Variants in DNAH6 observed in about 807,000 individuals in gnomAD.
The protein encoded by DNAH6 is dynein axonemal heavy chain 6.
In DNAH6, 340 loss-of-function variants were observed where a neutral mutation model predicts 491.4. The observed-to-expected ratio is 0.69, with a 90% CI of 0.63 to 0.76. The LOEUF is 0.76. Among genes scored for constraint, DNAH6 ranks in the 30% least tolerant of loss-of-function variants. The pLI is 0.00. For missense variants in DNAH6, 4,443 were observed against 4,972.2 expected (o/e 0.89, Z 3.20); for synonymous variants, 1,603 against 1,686.1 (o/e 0.95, Z 1.21).
intron 65 of DNAH6, among the ~76,000 whole-genome samples, chr2:84,783,470 A>G (rs1467588006): frequency 6.6e-6 from 1 of 152,190 alleles, no homozygotes; most frequent in Non-Finnish European, 1.5e-5. Flanking sequence ...CATTGGCCCT[A>G]AGACTTTGGT....
the DNAH6 span, among the ~76,000 whole-genome samples, chr2:84,501,409 T>G: frequency 6.6e-6 from 1 of 151,954 alleles, no homozygotes; most frequent in Admixed American, 6.5e-5. Flanking sequence ...TCTAATGTAT[T>G]GTTGAATTTA....
At chr2:84,571,757 C>CAA (rs34657775) in intron 11 of DNAH6, among the ~76,000 whole-genome samples, 97 of 104,022 alleles carry the variant, frequency 9.3e-4, no homozygotes, top group African/African-American at 2.9e-3. Context: ...ACTAAAATTA[C>CAA]AAAAAAAAAA....
At chr2:84,593,003 A>C (rs1453670031) in intron 16 of DNAH6, among the ~76,000 whole-genome samples, 1 of 152,212 alleles carries the variant, frequency 6.6e-6, no homozygotes, top group African/African-American at 2.4e-5. Context: ...TAGAAAAAGT[A>C]CATTAAATAA....
the DNAH6 span, among the ~76,000 whole-genome samples, chr2:84,492,029 G>T: frequency 6.6e-6 from 1 of 152,154 alleles, no homozygotes; most frequent in East Asian, 1.9e-4. Flanking sequence ...CTAACTACCA[G>T]TGCTTTAAGG....
In DNAH6 at chr2:84,639,566, C is replaced by T. The variant is rs147229321; in HGVS notation, c.4822-864C>T. The stretch of plus-strand genomic sequence containing the variant: ...CCCAAGTAGCTGAGATTACAGGCTC[C>T]TGCCACCATGCCTGACTAATTTTTT... On this transcript the variant is annotated intron_variant, in intron 31 of 76. Transcript: ENST00000389394. Among the ~76,000 whole-genome samples, 847 of 152,030 alleles carry T rather than the reference C, an allele frequency of 5.6e-3. 6 individuals are homozygous for T. Among genetic ancestry groups the T allele is most frequent in the African/African-American group, 0.019 (793 of 41,454 alleles).
chr2:84,681,566 C>G (rs1693775965), intron 42 of DNAH6, 38 bp downstream of exon 42: 1 of 1,434,512 alleles, frequency 7.0e-7, no homozygotes, highest in Non-Finnish European at 9.2e-7. Context: ...TCTGCACCCT[C>G]CCTACTTTTC....
intron 29 of DNAH6, among the ~76,000 whole-genome samples, chr2:84,628,064 A>T (rs1015802521): frequency 1.3e-5 from 2 of 152,180 alleles, no homozygotes; most frequent in African/African-American, 2.4e-5. Context: ...CAGCAAGGTC[A>T]CATTTCAACT....
the DNAH6 span, among the ~76,000 whole-genome samples, chr2:84,476,412 C>T: frequency 6.6e-6 from 1 of 152,184 alleles, no homozygotes; most frequent in Admixed American, 6.5e-5. Flanking sequence ...CATCTTCTGG[C>T]CCATTAAGGG....
chr2:84,709,641 G>T (rs1696846132), intron 55 of DNAH6, 95 bp downstream of exon 55: 2 of 1,319,646 alleles, frequency 1.5e-6, no homozygotes, highest in African/African-American at 1.5e-5. Context: ...TGTACTTGGA[G>T]ATTTAGATTT....
intron 64 of DNAH6, among the ~76,000 whole-genome samples, chr2:84,765,920 T>C (rs1675031324): frequency 6.6e-6 from 1 of 152,052 alleles, no homozygotes. Flanking sequence ...CTAGTAACAG[T>C]TCCAATGTAT....
chr2:84,771,748 G>A (rs1410477193), intron 64 of DNAH6, among the ~76,000 whole-genome samples: 2 of 152,060 alleles, frequency 1.3e-5, no homozygotes, highest in Non-Finnish European at 2.9e-5. Flanking sequence ...CAAAAATGAA[G>A]AAAAATTTAA....
intron 4 of DNAH6, among the ~76,000 whole-genome samples, chr2:84,532,566 A>G (rs1227005712): frequency 6.6e-6 from 1 of 152,184 alleles, no homozygotes; most frequent in Non-Finnish European, 1.5e-5. Context: ...CTGTTGAAGA[A>G]TGTCTTCACT....
intron 54 of DNAH6, among the ~76,000 whole-genome samples, chr2:84,708,546 AAGG>A (rs1401516402): frequency 1.4e-5 from 2 of 147,244 alleles, no homozygotes; most frequent in African/African-American, 5.0e-5. Flanking sequence ...AGAAGGAAGG[AAGG>A]AGGAAGGAAG....
At chr2:84,813,945 C>G in intron 74 of DNAH6, 26 bp from the exon 75 acceptor site, 1 of 1,550,960 alleles carries the variant, frequency 6.4e-7, no homozygotes, top group Non-Finnish European at 8.7e-7. Flanking sequence ...TGTTTGAACG[C>G]AGCTTTCCGA....
intron 63 of DNAH6, among the ~76,000 whole-genome samples, chr2:84,758,980 T>C (rs1674313422): frequency 6.6e-6 from 1 of 152,092 alleles, no homozygotes; most frequent in Non-Finnish European, 1.5e-5. Context: ...GCATACAGTT[T>C]GAAAAAGATG....
Position 84,727,885 on chromosome 2 carries a change from T to A in DNAH6, c.10189T>A (p.Ser3397Thr). The stretch of plus-strand genomic sequence containing the variant: ...TGAATGGAATTTCTTTCTCCGAGGT[T>A]CTGCAGGATTGGAAAAGGTACCTGA... The part of the protein sequence containing the change: ...DAEWNFFLRG[S>T]AGLEKERPPK... Residue 3397 changes from serine to threonine, a missense_variant, in exon 61 of 77, where the codon TCT becomes ACT. By Grantham distance (58) the Ser-to-Thr change is moderately conservative (BLOSUM62 1). This residue lies in a region of DNAH6 where 1,463 missense variants were observed against 1,656.6 expected (regional missense o/e 0.88). Coordinates refer to ENST00000389394, the MANE Select transcript of DNAH6 (RefSeq NM_001370.2). The A allele has an allele frequency of 6.4e-7, 1 of 1,550,816 alleles. No individual in the cohort carries two copies. The highest frequency in any genetic ancestry group is 8.7e-7 in the Non-Finnish European group (1 of 1,145,846).
chr2:84,504,435 G>A, the DNAH6 span, among the ~76,000 whole-genome samples: 5 of 152,074 alleles, frequency 3.3e-5, no homozygotes, highest in African/African-American at 1.2e-4. Flanking sequence ...ATTTACTGAG[G>A]TCGTGTTTTC....
chr2:84,803,587 A>T (rs1240132154), intron 70 of DNAH6, among the ~76,000 whole-genome samples: 5 of 151,688 alleles, frequency 3.3e-5, no homozygotes, highest in African/African-American at 1.2e-4. Context: ...CAAAAATGTT[A>T]AAAAAACATT....
chr2:84,680,053 G>C (rs1693634296), intron 41 of DNAH6, among the ~76,000 whole-genome samples: 1 of 152,126 alleles, frequency 6.6e-6, no homozygotes, highest in Non-Finnish European at 1.5e-5. Context: ...GGTTTGAGAT[G>C]GTCCTACATA....
Sources: gnomAD v4.1 joint callset for allele counts (sites outside exome capture counted in the v4.1 genomes callset) on GRCh38, gnomAD v4.1.1 for gene constraint, gnomAD v4.1.1 regional missense constraint, MANE v1.5 for transcripts, NCBI Gene and HGNC (gene_info 2026-07-23, HGNC 2026-07-21) for gene names.